THSD4: variants seen among roughly 807,000 people sequenced by gnomAD.
THSD4 encodes thrombospondin type-1 domain-containing protein 4.
A neutral mutation model predicts 119.0 loss-of-function variants in THSD4; 69 were observed. That is an observed-to-expected ratio of 0.58 (90% CI 0.48 to 0.71). THSD4 has a LOEUF of 0.71. THSD4 is among the 30% of genes least tolerant of loss of function. THSD4 has a pLI of 0.00. For missense variants in THSD4, 1,393 were observed against 1,391.1 expected, an observed-to-expected ratio of 1.00 and a Z score of -0.02; for synonymous variants, 524 against 540.4, an observed-to-expected ratio of 0.97 and a Z score of 0.42.
intron 6 of THSD4, among the ~76,000 whole-genome samples, chr15:71,279,438 C>T (rs184848917): frequency 6.6e-6 from 1 of 152,338 alleles, no homozygotes; most frequent in Admixed American, 6.5e-5. Flanking sequence ...GCAACCTGCT[C>T]TCCCACCCTT....
intron 6 of THSD4, among the ~76,000 whole-genome samples, chr15:71,386,645 C>T (rs891185697): frequency 6.6e-6 from 1 of 152,090 alleles, no homozygotes. Flanking sequence ...GAGATGTTAC[C>T]ACGTGAAAGA....
At chr15:71,433,499 A>T (rs187193903) in intron 7 of THSD4, among the ~76,000 whole-genome samples, 427 of 151,294 alleles carry the variant, frequency 2.8e-3, no homozygotes, top group African/African-American at 1.0e-2. Flanking sequence ...CAAAAGCAAA[A>T]CCAGTCTATC....
intron 8 of THSD4, among the ~76,000 whole-genome samples, chr15:71,664,413 C>A (rs8037475): frequency 6.6e-6 from 1 of 151,904 alleles, no homozygotes; most frequent in East Asian, 1.9e-4. Flanking sequence ...TAACTGATTC[C>A]CCAGTAACAA....
chr15:71,623,889 C>T (rs1176085803), intron 7 of THSD4, among the ~76,000 whole-genome samples: 1 of 150,910 alleles, frequency 6.6e-6, no homozygotes, highest in Non-Finnish European at 1.5e-5. Flanking sequence ...CGCCATTGCC[C>T]TCCAGCTTGG....
chr15:71,614,999 G>T (rs953853352), intron 7 of THSD4, among the ~76,000 whole-genome samples: 3 of 152,212 alleles, frequency 2.0e-5, no homozygotes, highest in African/African-American at 7.2e-5. Context: ...GGAATAGGAA[G>T]ATGCCACCCT....
At chr15:71,392,025 T>C (rs1272221405) in intron 6 of THSD4, among the ~76,000 whole-genome samples, 1 of 152,206 alleles carries the variant, frequency 6.6e-6, no homozygotes, top group Non-Finnish European at 1.5e-5. Context: ...ATATTTTAAC[T>C]TGGCCATGTT....
In THSD4 at chr15:71,706,260, G is replaced by A. The variant is rs148773092; in HGVS notation, c.1358-22289G>A. Among the ~76,000 whole-genome samples the A allele has an allele frequency of 6.8e-3, 1,041 of 152,212 alleles. 8 individuals are homozygous for A. Among genetic ancestry groups the A allele is most frequent in the African/African-American group, 0.023 (947 of 41,516 alleles). ...TAAAATAGGATTTTGTAGTTGATTCGCTGCTAGGGGTAAAAGAAGAGCCAG... is the reference window on the plus strand; with the variant it reads ...TAAAATAGGATTTTGTAGTTGATTCACTGCTAGGGGTAAAAGAAGAGCCAG... On this transcript the variant is annotated intron_variant, in intron 8 of 17. Coordinates refer to ENST00000261862, the MANE Select transcript of THSD4 (RefSeq NM_024817.3).
chr15:71,293,495 T>A (rs747125805), intron 6 of THSD4, among the ~76,000 whole-genome samples: 3 of 152,162 alleles, frequency 2.0e-5, no homozygotes, highest in Non-Finnish European at 2.9e-5. Context: ...CGTAGTAGCC[T>A]GGCTGCATAA....
chr15:71,384,332 T>G (rs911041934), intron 6 of THSD4, among the ~76,000 whole-genome samples: 2 of 151,286 alleles, frequency 1.3e-5, no homozygotes, highest in Admixed American at 6.6e-5. Flanking sequence ...GAGCCGAGAG[T>G]GCGCCACTGC....
intron 7 of THSD4, among the ~76,000 whole-genome samples, chr15:71,442,376 C>T (rs1386205947): frequency 6.6e-6 from 1 of 151,092 alleles, no homozygotes; most frequent in East Asian, 2.0e-4. Flanking sequence ...CAAGACCAGC[C>T]TGGCCAACAT....
chr15:71,428,866 TA>T (rs1395169062), intron 7 of THSD4, among the ~76,000 whole-genome samples: 9 of 152,220 alleles, frequency 5.9e-5, no homozygotes, highest in African/African-American at 2.2e-4. Flanking sequence ...TTTTGACACA[TA>T]CAGGAGCGTT....
At chr15:71,433,316 G>A (rs1445923180) in intron 7 of THSD4, among the ~76,000 whole-genome samples, 4 of 150,994 alleles carry the variant, frequency 2.6e-5, no homozygotes, top group Non-Finnish European at 1.5e-5. Flanking sequence ...TTAAATTACT[G>A]AAAAGATTTT....
At chr15:71,368,715 G>GC (rs2046001974) in intron 6 of THSD4, among the ~76,000 whole-genome samples, 1 of 152,128 alleles carries the variant, frequency 6.6e-6, no homozygotes, top group Non-Finnish European at 1.5e-5. Flanking sequence ...AAGTCAGGTA[G>GC]TGTGATGCCT....
In THSD4 at chr15:71,765,628, C is replaced by T. The variant is rs1483596926; in HGVS notation, c.2769+429C>T. On this transcript the variant is annotated intron_variant, in intron 16 of 17. Transcript: ENST00000261862. ...TAAAAGAACTACATCTGATGCCAGG[C>T]GTGGTGGTTGACACCTGTAATCCCA... 3.9e-5 allele frequency among the ~76,000 whole-genome samples: 6 copies of T among 152,280 alleles called. No individual in the cohort carries two copies. In the East Asian group the frequency reaches 9.6e-4, roughly 24 times the overall value.
At chr15:71,587,076 T>C (rs966657174) in intron 7 of THSD4, among the ~76,000 whole-genome samples, 7 of 151,312 alleles carry the variant, frequency 4.6e-5, no homozygotes, top group African/African-American at 1.7e-4. Context: ...CTATGAGATA[T>C]CATCTCACAC....
intron 6 of THSD4, among the ~76,000 whole-genome samples, chr15:71,280,080 G>T (rs1057387344): frequency 6.6e-6 from 1 of 152,218 alleles, no homozygotes; most frequent in African/African-American, 2.4e-5. Context: ...TCCAGGTAGA[G>T]CTTCCAGGAG....
intron 6 of THSD4, among the ~76,000 whole-genome samples, chr15:71,320,495 T>A (rs2045251455): frequency 6.6e-6 from 1 of 152,206 alleles, no homozygotes; most frequent in Admixed American, 6.5e-5. Context: ...AGGTCCCAGA[T>A]GTTACTAAGA....
At chr15:71,734,805 TAAAA>T (rs1257319812) in intron 10 of THSD4, among the ~76,000 whole-genome samples, 3 of 96,610 alleles carry the variant, frequency 3.1e-5, no homozygotes, top group African/African-American at 1.2e-4. Flanking sequence ...AAAACTGCTC[TAAAA>T]AAAAAAAAAA....
chr15:71,256,696 G>T lies in THSD4; in HGVS notation c.996G>T (p.Glu332Asp). The change falls in exon 6 of 18, where the codon GAG becomes GAT. Residue 332 changes from glutamate to aspartate, a missense_variant. Transcript: ENST00000261862. The part of the protein sequence containing the change: ...NNKPFMGRFY[E>D]WEPFAEVKGN... ...AGCCATTCATGGGCCGGTTTTATGAGTGGGAACCATTTGCAGAAGGTAAGA... is the reference window on the plus strand; with the variant it reads ...AGCCATTCATGGGCCGGTTTTATGATTGGGAACCATTTGCAGAAGGTAAGA... The T allele has an allele frequency of 6.2e-7, 1 of 1,613,898 alleles. No individual in the cohort carries two copies. Among genetic ancestry groups the T allele is most frequent in the East Asian group, 2.2e-5 (1 of 44,868 alleles).
Sources: allele counts gnomAD v4.1 joint callset (sites outside exome capture counted in the v4.1 genomes callset), GRCh38; gene constraint gnomAD v4.1.1; transcripts MANE v1.5; gene names NCBI Gene and HGNC (gene_info 2026-07-23, HGNC 2026-07-21).